The following RBFOX1 variants were observed in gnomAD, a reference collection of about 807,000 sequenced individuals.
The protein encoded by RBFOX1 is RNA binding fox-1 homolog 1, also known as RNA binding protein fox-1 homolog 1.
A neutral mutation model predicts 57.7 loss-of-function variants in RBFOX1; 8 were observed. The observed-to-expected ratio is 0.14, with a 90% CI of 0.08 to 0.25. The LOEUF is 0.25. RBFOX1 is among the 10% of genes least tolerant of loss of function. The pLI is 1.00. For synonymous variants in RBFOX1, 326 were observed against 222.4 expected, an observed-to-expected ratio of 1.47 and a Z score of -4.15; for missense variants, 611 against 548.5, an observed-to-expected ratio of 1.11 and a Z score of -1.14.
chr16:6,227,174 G>A (rs946318223), intron 1 of RBFOX1, among the ~76,000 whole-genome samples: 2 of 151,810 alleles, frequency 1.3e-5, no homozygotes, highest in Admixed American at 6.6e-5. Context: ...TCTTTTTGTT[G>A]CAGACACTAT....
chr16:5,961,834 T>G (rs2059756149), intron 4 of RBFOX1, among the ~76,000 whole-genome samples: 1 of 152,196 alleles, frequency 6.6e-6, no homozygotes, highest in South Asian at 2.1e-4. Context: ...CGCCTCCCCT[T>G]GTTCTCTAAC....
At chr16:6,867,846 C>T (rs865868581) in intron 3 of RBFOX1, among the ~76,000 whole-genome samples, 1 of 152,178 alleles carries the variant, frequency 6.6e-6, no homozygotes, top group Non-Finnish European at 1.5e-5. Context: ...ATCCCCCTTT[C>T]TGCTGACAGG....
At chr16:6,177,226 C>T (rs576515156) in intron 1 of RBFOX1, among the ~76,000 whole-genome samples, 11 of 149,510 alleles carry the variant, frequency 7.4e-5, no homozygotes, top group African/African-American at 2.7e-4. Flanking sequence ...AGCTGTGTTC[C>T]TTGCCCTCTG....
intron 4 of RBFOX1, among the ~76,000 whole-genome samples, chr16:7,163,048 G>A (rs552213220): frequency 6.6e-6 from 1 of 152,286 alleles, no homozygotes; most frequent in South Asian, 2.1e-4. Flanking sequence ...TCACAGAGCA[G>A]GTATTATGCC....
chr16:5,454,884 T>TTC (rs1391866739), intron 1 of RBFOX1, among the ~76,000 whole-genome samples: 2 of 129,234 alleles, frequency 1.5e-5, no homozygotes. Context: ...CTTTCTTTCT[T>TTC]TCTTTCTTTC....
At chr16:6,064,471 G>A (rs1686309186) in intron 1 of RBFOX1, among the ~76,000 whole-genome samples, 1 of 152,138 alleles carries the variant, frequency 6.6e-6, no homozygotes, top group Non-Finnish European at 1.5e-5. Flanking sequence ...CTCCAAGTGG[G>A]CAATGTAGTA....
At chr16:6,997,378 T>A (rs911310780) in intron 3 of RBFOX1, among the ~76,000 whole-genome samples, 39 of 152,304 alleles carry the variant, frequency 2.6e-4, no homozygotes, top group African/African-American at 9.4e-4. Flanking sequence ...ATTGTCAACC[T>A]ATGTTGAAAA....
At chr16:7,188,922 T>C (rs75688753) in intron 4 of RBFOX1, among the ~76,000 whole-genome samples, 5,420 of 152,172 alleles carry the variant, frequency 0.036, 144 homozygotes, top group South Asian at 0.091. Flanking sequence ...GGAAAGTTCT[T>C]TGACACCATG....
chr16:5,770,671 A>G (rs897810734), intron 3 of RBFOX1, among the ~76,000 whole-genome samples: 4 of 152,012 alleles, frequency 2.6e-5, no homozygotes, highest in South Asian at 2.1e-4. Context: ...TCTTTCCTGC[A>G]CATAGCCAAG....
At chr16:7,335,327 C>G (rs554571656) in intron 4 of RBFOX1, among the ~76,000 whole-genome samples, 2 of 152,242 alleles carry the variant, frequency 1.3e-5, no homozygotes, top group South Asian at 2.1e-4. Context: ...CTAAATATGT[C>G]ATTGGCAAGA....
At chr16:6,025,687 GGGTA>G (rs2095177656) in intron 1 of RBFOX1, among the ~76,000 whole-genome samples, 1 of 152,168 alleles carries the variant, frequency 6.6e-6, no homozygotes, top group African/African-American at 2.4e-5. Flanking sequence ...GTGTGGGCCA[GGGTA>G]ATAACAGATA....
At chr16:6,450,864 T>TGTATATAC (rs2094604583) in intron 2 of RBFOX1, among the ~76,000 whole-genome samples, 1 of 94,240 alleles carries the variant, frequency 1.1e-5, no homozygotes, top group African/African-American at 3.9e-5. Flanking sequence ...TATATATATA[T>TGTATATAC]ATATATATAT....
intron 4 of RBFOX1, among the ~76,000 whole-genome samples, chr16:5,952,702 C>T (rs1488747597): frequency 6.6e-6 from 1 of 152,146 alleles, no homozygotes; most frequent in Admixed American, 6.5e-5. Flanking sequence ...TGTGGTGTGA[C>T]ACAGAATTCT....
At chr16:7,005,605 G>A (rs2085519923) in intron 3 of RBFOX1, among the ~76,000 whole-genome samples, 1 of 152,186 alleles carries the variant, frequency 6.6e-6, no homozygotes, top group African/African-American at 2.4e-5. Context: ...GGTGTTGGTA[G>A]GAGGTGGCTT....
chr16:5,956,678 A>ATATTTATATATATATATATATATTTTTT (rs368096576), intron 4 of RBFOX1, among the ~76,000 whole-genome samples: 2 of 116,504 alleles, frequency 1.7e-5, no homozygotes, highest in African/African-American at 6.9e-5. Context: ...ATATATATAT[A>ATATTTATATATATATATATATATTTTTT]TTTTTTTTGA....
At chr16:7,623,319 TTAC>T (rs2059589733) in intron 10 of RBFOX1, among the ~76,000 whole-genome samples, 1 of 152,202 alleles carries the variant, frequency 6.6e-6, no homozygotes, top group Non-Finnish European at 1.5e-5. Flanking sequence ...TCTATTATTA[TTAC>T]ATTGTAATAT....
chr16:6,066,320 A>AAAAAAAAT (rs1555494616), intron 1 of RBFOX1, among the ~76,000 whole-genome samples: 1 of 131,668 alleles, frequency 7.6e-6, no homozygotes, highest in Non-Finnish European at 1.6e-5. Flanking sequence ...AAAAAAAAAA[A>AAAAAAAAT]GGCATAATTC....
intron 4 of RBFOX1, among the ~76,000 whole-genome samples, chr16:7,322,734 T>C (rs916052997): frequency 3.3e-5 from 5 of 152,162 alleles, no homozygotes; most frequent in Non-Finnish European, 5.9e-5. Context: ...CTCAATGGTA[T>C]GGGAAAAAGC....
chr16:5,292,417 A>G (rs1349067669), intron 1 of RBFOX1, among the ~76,000 whole-genome samples: 1 of 152,158 alleles, frequency 6.6e-6, no homozygotes, highest in Admixed American at 6.5e-5. Context: ...TTCAGTTTTA[A>G]TGTTGCTGTG....
Sources: allele counts gnomAD v4.1 joint callset (sites outside exome capture counted in the v4.1 genomes callset), GRCh38; gene constraint gnomAD v4.1.1; transcripts MANE v1.5; gene names NCBI Gene and HGNC (gene_info 2026-07-23, HGNC 2026-07-21).